GLRB: variants seen among roughly 807,000 people sequenced by gnomAD.
GLRB encodes glycine receptor subunit beta.
In GLRB, 33 loss-of-function variants were observed where a neutral mutation model predicts 54.2. The ratio of observed to expected loss-of-function variants is 0.61; its 90% CI spans 0.46 to 0.81. The LOEUF is 0.81. Among genes scored for constraint, GLRB ranks in the 40% least tolerant of loss-of-function variants. The pLI is 0.00. For missense variants in GLRB, 572 were observed against 584.6 expected, an observed-to-expected ratio of 0.98 and a Z score of 0.22; for synonymous variants, 209 against 208.2, an observed-to-expected ratio of 1.00 and a Z score of -0.03.
chr4:157,120,439 G>T, intron 2 of GLRB, 117 bp from the exon 3 acceptor site: 1 of 388,248 alleles, frequency 2.6e-6, no homozygotes, highest in Non-Finnish European at 4.9e-6. Flanking sequence ...AGAAGAAAAA[G>T]CCATACTATA....
chr4:157,125,291 T>C (rs1735977760), intron 4 of GLRB, among the ~76,000 whole-genome samples: 1 of 151,724 alleles, frequency 6.6e-6, no homozygotes, highest in African/African-American at 2.4e-5. Flanking sequence ...AGTATTAGAT[T>C]TGTCTATATA....
intron 9 of GLRB, among the ~76,000 whole-genome samples, chr4:157,164,440 A>G (rs1308912362): frequency 6.6e-6 from 1 of 152,076 alleles, no homozygotes; most frequent in African/African-American, 2.4e-5. Flanking sequence ...ACTTCCTCAC[A>G]TTTCCAGCCC....
intron 2 of GLRB, among the ~76,000 whole-genome samples, chr4:157,114,035 C>A (rs939033006): frequency 2.6e-5 from 4 of 151,880 alleles, no homozygotes; most frequent in Non-Finnish European, 5.9e-5. Context: ...TCATGAATAA[C>A]CACCAATTTA....
intron 2 of GLRB, among the ~76,000 whole-genome samples, chr4:157,104,888 A>T (rs1735164842): frequency 6.6e-6 from 1 of 151,872 alleles, no homozygotes; most frequent in Non-Finnish European, 1.5e-5. Flanking sequence ...TTTCTGTGGC[A>T]TCAGTTGTAA....
At chr4:157,139,598 T>G in intron 7 of GLRB, among the ~76,000 whole-genome samples, 1 of 152,178 alleles carries the variant, frequency 6.6e-6, no homozygotes, top group Non-Finnish European at 1.5e-5. Context: ...TTCAACCTTT[T>G]ATTTTCTGCT....
chr4:157,120,458 T>A, intron 2 of GLRB, 98 bp from the exon 3 acceptor site: 1 of 554,802 alleles, frequency 1.8e-6, no homozygotes, highest in Non-Finnish European at 3.4e-6. Flanking sequence ...TAGTTGTGGA[T>A]TTGTCTCAAA....
chr4:157,156,856 T>C (rs944230580), intron 9 of GLRB, among the ~76,000 whole-genome samples: 33 of 152,204 alleles, frequency 2.2e-4, no homozygotes, highest in African/African-American at 7.7e-4. Flanking sequence ...TGATTTTGTA[T>C]TGAAACTTGG....
intron 7 of GLRB, among the ~76,000 whole-genome samples, chr4:157,141,613 GA>G: frequency 6.6e-6 from 1 of 151,914 alleles, no homozygotes; most frequent in East Asian, 1.9e-4. Flanking sequence ...AACTTCACAG[GA>G]AATAGAAAGT....
chr4:157,129,996 C>A (rs1304559694), intron 4 of GLRB, among the ~76,000 whole-genome samples: 2 of 151,556 alleles, frequency 1.3e-5, no homozygotes, highest in African/African-American at 4.8e-5. Flanking sequence ...AAAGGAATAA[C>A]AACAACATGA....
chr4:157,120,708 A>C, intron 3 of GLRB, 46 bp downstream of exon 3: 1 of 881,498 alleles, frequency 1.1e-6, no homozygotes, highest in Admixed American at 1.8e-5. Context: ...TTTAAAAATT[A>C]ATTTTATATG....
chr4:157,146,409 G>T (rs1023730613), intron 8 of GLRB, among the ~76,000 whole-genome samples: 5 of 152,038 alleles, frequency 3.3e-5, no homozygotes, highest in African/African-American at 1.2e-4. Context: ...TGCTTACTTT[G>T]TTGAGAACAG....
intron 7 of GLRB, among the ~76,000 whole-genome samples, chr4:157,143,405 T>G (rs1037561513): frequency 1.3e-5 from 2 of 150,766 alleles, no homozygotes; most frequent in African/African-American, 4.9e-5. Context: ...AGTCCCGGAG[T>G]GTTTCTTTTT....
rs562346112 is a variant in GLRB, at chr4:157,125,187, A to T, written c.297+2790A>T. On this transcript the variant is annotated intron_variant, in intron 4 of 9. Transcript: ENST00000264428. The stretch of plus-strand genomic sequence containing the variant: ...AAAAGGGTATACATGTCTGGACAGG[A>T]GTTATGTTATGAGAGGATACTTCTT... Among the ~76,000 whole-genome samples, 3 of 152,042 alleles carry T rather than the reference A, an allele frequency of 2.0e-5. No individual in the cohort carries two copies. In the East Asian group the frequency reaches 5.8e-4, roughly 30 times the overall value.
chr4:157,159,045 A>G (rs1370615615), intron 9 of GLRB, among the ~76,000 whole-genome samples: 1 of 152,152 alleles, frequency 6.6e-6, no homozygotes, highest in African/African-American at 2.4e-5. Context: ...GAGGTCCTCC[A>G]CATCCCTTGT....
chr4:157,078,067 T>A lies in GLRB; in HGVS notation c.43T>A (p.Leu15Met). 1 of 1,611,652 alleles carries A rather than the reference T, an allele frequency of 6.2e-7. No individual in the cohort carries two copies. Among genetic ancestry groups the A allele is most frequent in the Non-Finnish European group, 8.5e-7 (1 of 1,178,030 alleles). Residue 15 changes from leucine (L) to methionine (M), a missense_variant, in exon 2 of 10, where the codon TTG becomes ATG. Coordinates refer to ENST00000264428, the MANE Select transcript of GLRB (RefSeq NM_000824.5). ...AACTGCCTTTTTAATTTTAATTTCC[T>A]TGTGGGTGGAAGAAGCCTATTCTAA... ...LTTAFLILIS[L>M]WVEEAYSKEK...
intron 2 of GLRB, among the ~76,000 whole-genome samples, chr4:157,083,552 A>G (rs1209647516): frequency 6.6e-6 from 1 of 152,166 alleles, no homozygotes; most frequent in African/African-American, 2.4e-5. Flanking sequence ...AGAGACTGAT[A>G]TAATGTGATT....
intron 2 of GLRB, among the ~76,000 whole-genome samples, chr4:157,080,263 C>T (rs1307372316): frequency 6.6e-6 from 1 of 152,074 alleles, no homozygotes; most frequent in African/African-American, 2.4e-5. Flanking sequence ...ACCTGTTAAG[C>T]CCACATCTCA....
intron 4 of GLRB, among the ~76,000 whole-genome samples, chr4:157,130,138 C>T (rs1439481116): frequency 6.6e-6 from 1 of 151,598 alleles, no homozygotes; most frequent in Non-Finnish European, 1.5e-5. Flanking sequence ...ATTATTATCC[C>T]TATCTTATAT....
chr4:157,159,696 G>A (rs1328710285), intron 9 of GLRB, among the ~76,000 whole-genome samples: 1 of 152,154 alleles, frequency 6.6e-6, no homozygotes. Flanking sequence ...TGTGATCATG[G>A]TGGATAACCT....
Sources: allele counts gnomAD v4.1 joint callset (sites outside exome capture counted in the v4.1 genomes callset), GRCh38; gene constraint gnomAD v4.1.1; transcripts MANE v1.5; gene names NCBI Gene and HGNC (gene_info 2026-07-23, HGNC 2026-07-21).